FEZ1: variants seen among roughly 807,000 people sequenced by gnomAD.
FEZ1 encodes fasciculation and elongation protein zeta 1, also known as fasciculation and elongation protein zeta-1.
A neutral mutation model predicts 49.3 loss-of-function variants in FEZ1; 20 were observed. That is an observed-to-expected ratio of 0.41 (90% CI 0.29 to 0.59). FEZ1 has a LOEUF of 0.59. Ranked by LOEUF, FEZ1 falls within the 20% of genes least tolerant of loss-of-function variation. FEZ1 has a pLI of 0.36. For missense variants in FEZ1, 413 were observed against 476.0 expected (o/e 0.87, Z 1.23); for synonymous variants, 170 against 180.9 (o/e 0.94, Z 0.48).
chr11:125,484,612 G>A (rs955899446), intron 2 of FEZ1, among the ~76,000 whole-genome samples: 1 of 150,516 alleles, frequency 6.6e-6, no homozygotes, highest in Non-Finnish European at 1.5e-5. Context: ...AGGTTGCAGT[G>A]AGCCGAGATG....
chr11:125,455,486 G>A (rs1236008187), intron 6 of FEZ1: 1 of 325,340 alleles, frequency 3.1e-6, no homozygotes, highest in Non-Finnish European at 5.8e-6. Flanking sequence ...CTGGAACCTG[G>A]GACACAAGGA....
chr11:125,493,471 AAGGAAAGAAGGAAAGAAG>A (rs1565307170), intron 1 of FEZ1, among the ~76,000 whole-genome samples: 3,984 of 90,168 alleles, frequency 0.044, 261 homozygotes, highest in Non-Finnish European at 0.047. Context: ...AGAAGGAAAG[AAGGAAAGAAGGAAAGAAG>A]GAAAGAAAGA....
Position 125,495,649 on chromosome 11 carries a change from G to A in FEZ1, c.-46+472C>T. The A allele has an allele frequency of 4.7e-6, 2 of 428,282 alleles. No homozygotes were observed. Among genetic ancestry groups the A allele is most frequent in the Non-Finnish European group, 9.6e-6 (2 of 207,724 alleles). 26.5% of individuals were successfully genotyped at this position (428,282 alleles called of 1,614,324 possible). A position where few individuals can be genotyped will look rare whatever the true frequency, so the allele number is the denominator to read the frequency against. On this transcript the variant is annotated intron_variant, in intron 1 of 9. Transcript: ENST00000278919. This position sits in a 1 kb window ranked among gnomAD's most constrained non-coding sequence, Gnocchi z 4.2. ...TTAGGGACAAAGATGATCTTGGGGC[G>A]TTTACGGTGACTGGACCAGATAACG...
At chr11:125,469,493 C>G (rs1957164633) in intron 3 of FEZ1, among the ~76,000 whole-genome samples, 1 of 152,180 alleles carries the variant, frequency 6.6e-6, no homozygotes, top group African/African-American at 2.4e-5. Flanking sequence ...CTCCTGAGCA[C>G]AAGCAATTCA....
intron 3 of FEZ1, among the ~76,000 whole-genome samples, chr11:125,477,148 G>A (rs1367431900): frequency 6.6e-6 from 1 of 152,054 alleles, no homozygotes; most frequent in African/African-American, 2.4e-5. Context: ...TGAAAATTAT[G>A]ATTTTTAACA....
rs546051747 is a variant in FEZ1, at chr11:125,477,501, T to TCA, written c.411+4031_411+4032dup. Among the ~76,000 whole-genome samples the TCA allele has an allele frequency of 4.4e-3, 668 of 151,764 alleles. 1 individual carries two copies. The highest frequency in any genetic ancestry group is 0.012 in the African/African-American group (489 of 41,394). ...GCCTGAGTGACAGAGTGTGACTCCA[T>TCA]CACACACACACACAAAAAATTAGCC... On this transcript the variant is annotated intron_variant, in intron 3 of 9. Coordinates refer to ENST00000278919, the MANE Select transcript of FEZ1 (RefSeq NM_005103.5).
chr11:125,489,689 A>G lies in FEZ1; in HGVS notation c.89T>C (p.Phe30Ser). ...SEDPEEKPQC[F>S]YGSSPHHLED... ...GAGATGGTGGGGAGATGAACCATAG[A>G]AACACTGGGGCTTCTCCTCCGGGTC... Residue 30 changes from phenylalanine to serine, a missense_variant, in exon 2 of 10, where the codon TTC becomes TCC. By Grantham distance (155) the Phe-to-Ser change is radical. Coordinates refer to ENST00000278919, the MANE Select transcript of FEZ1 (RefSeq NM_005103.5). This position sits in a 1 kb window ranked among gnomAD's most constrained non-coding sequence, Gnocchi z 4.2. The G allele has an allele frequency of 6.2e-7, 1 of 1,613,750 alleles. No individual in the cohort carries two copies. Among genetic ancestry groups the G allele is most frequent in the Non-Finnish European group, 8.5e-7 (1 of 1,179,826 alleles).
chr11:125,457,869 G>A (rs1429999728), intron 5 of FEZ1, among the ~76,000 whole-genome samples: 1 of 152,024 alleles, frequency 6.6e-6, no homozygotes. Context: ...CTTCCTCTTT[G>A]TTTCTGCTTT....
intron 3 of FEZ1, among the ~76,000 whole-genome samples, chr11:125,479,622 T>C (rs1417114569): frequency 6.6e-6 from 1 of 152,184 alleles, no homozygotes; most frequent in Non-Finnish European, 1.5e-5. Context: ...GTGGAGGTGA[T>C]GATATCATGG....
chr11:125,450,555 G>A (rs548102202), intron 8 of FEZ1, among the ~76,000 whole-genome samples: 107 of 152,354 alleles, frequency 7.0e-4, no homozygotes, highest in African/African-American at 2.5e-3. Context: ...TTAGTTCAAA[G>A]AGTAGAAGAG....
chr11:125,489,263 T>G lies in FEZ1; in HGVS notation c.311+204A>C. ...GGAAAACCTTCATTCCTCTAAGGTT[T>G]CAATTTAAGAAAGTTCTCCTCAGGG... On this transcript the variant is annotated intron_variant, in intron 2 of 9. Transcript: ENST00000278919. This position sits in a 1 kb window ranked among gnomAD's most constrained non-coding sequence, Gnocchi z 4.2. The G allele has an allele frequency of 8.2e-7, 1 of 1,217,660 alleles. No individual in the cohort carries two copies. The highest frequency in any genetic ancestry group is 1.0e-6 in the Non-Finnish European group (1 of 979,024). 75.4% of individuals were successfully genotyped at this position (1,217,660 alleles called of 1,614,324 possible).
At position 125,485,110 on chromosome 11, in the gene FEZ1, T is replaced by C. The variant is rs571416113; in HGVS notation, c.312-3477A>G. Among the ~76,000 whole-genome samples the C allele has an allele frequency of 5.6e-4, 86 of 152,346 alleles. 4 individuals carry two copies. In the South Asian group the frequency reaches 0.017, roughly 31 times the overall value. On this transcript the variant is annotated intron_variant, in intron 2 of 9. Transcript: ENST00000278919. ...AAAGAAGACTTTGAAAGCTATCTCC[T>C]CTATCATTCATCAGAGAACTAAGAT...
chr11:125,466,430 A>C (rs1304305572), intron 3 of FEZ1, among the ~76,000 whole-genome samples: 1 of 152,180 alleles, frequency 6.6e-6, no homozygotes, highest in Non-Finnish European at 1.5e-5. Flanking sequence ...GTGAGGCTGC[A>C]GTGAGCCGTG....
At chr11:125,451,432 G>A (rs1956954430) in intron 8 of FEZ1, 3 of 152,234 alleles carry the variant, frequency 2.0e-5, no homozygotes, top group Admixed American at 1.3e-4. Context: ...GGCCCCAGCA[G>A]GTATCCATCC....
chr11:125,455,540 A>G (rs775795477), intron 6 of FEZ1: 5 of 433,356 alleles, frequency 1.2e-5, no homozygotes, highest in African/African-American at 5.9e-5. Context: ...AAGACTCCCA[A>G]CACGAAATAC....
rs1317160447 is a variant in FEZ1 at position 125,443,708 on chromosome 11, C to A, written c.*2387G>T. Among the ~76,000 whole-genome samples the A allele has an allele frequency of 6.6e-6, 1 of 152,148 alleles. No homozygotes were observed. The highest frequency in any genetic ancestry group is 1.5e-5 in the Non-Finnish European group (1 of 68,032). On this transcript the variant is annotated 3_prime_UTR_variant, in exon 10 of 10. Transcript: ENST00000278919. ...AACACAGGGAAGGGCAATGCAAAAC[C>A]ATGAGGAATTGATTTCATATTCCCC...
chr11:125,461,564 G>A (rs529691717), intron 4 of FEZ1, among the ~76,000 whole-genome samples: 3 of 152,274 alleles, frequency 2.0e-5, no homozygotes, highest in Admixed American at 6.5e-5. Context: ...CCGAGACTGG[G>A]CCACTGGACT....
chr11:125,466,363 A>T (rs557553414), intron 3 of FEZ1, among the ~76,000 whole-genome samples: 72 of 152,254 alleles, frequency 4.7e-4, no homozygotes, highest in African/African-American at 1.6e-3. Context: ...CTGTAGTCCC[A>T]ACTACTCAGG....
In FEZ1 at chr11:125,452,349, G is replaced by A; in HGVS notation, c.1081C>T (p.Gln361Ter). Residue 361 changes from glutamine (Q) to a stop codon, truncating the protein, a stop_gained, in exon 8 of 10, where the codon CAG becomes TAG. Coordinates refer to ENST00000278919, the MANE Select transcript of FEZ1 (RefSeq NM_005103.5). LOFTEE classifies it high-confidence loss of function. Reference sequence around the variant, plus strand: ...AGGAACTCACTGTTTGTCAGCATCTGCAGGTCTTCCACTGAGGGAGGAGAG... The same window carrying A: ...AGGAACTCACTGTTTGTCAGCATCTACAGGTCTTCCACTGAGGGAGGAGAG... ...KASPPSVEDL[Q>*]MLTNILFAMK... 1 of 1,610,290 alleles carries A rather than the reference G, an allele frequency of 6.2e-7. No homozygotes were observed. Among genetic ancestry groups the A allele is most frequent in the Non-Finnish European group, 8.5e-7 (1 of 1,176,470 alleles).
Sources: gnomAD v4.1 joint callset for allele counts (sites outside exome capture counted in the v4.1 genomes callset) on GRCh38, gnomAD v4.1.1 for gene constraint, Gnocchi (gnomAD v3.1) non-coding constraint, MANE v1.5 for transcripts, NCBI Gene and HGNC (gene_info 2026-07-23, HGNC 2026-07-21) for gene names.